The following DMD variants were observed in gnomAD, a reference collection of about 807,000 sequenced individuals.
DMD encodes mutant dystrophin.
A neutral mutation model predicts 330.1 loss-of-function variants in DMD; 63 were observed. The ratio of observed to expected loss-of-function variants is 0.19; its 90% CI spans 0.16 to 0.24. The LOEUF (loss-of-function observed/expected upper bound fraction) is 0.24. Ranked by LOEUF, DMD falls within the 10% of genes least tolerant of loss-of-function variation. DMD has a pLI of 1.00. For synonymous variants in DMD, 1,223 were observed against 959.8 expected, an observed-to-expected ratio of 1.27 and a Z score of -5.07; for missense variants, 3,344 against 2,684.1, an observed-to-expected ratio of 1.25 and a Z score of -5.43.
intron 55 of DMD, among the ~76,000 whole-genome samples, chrX:31,526,462 A>G (rs1239460594): frequency 8.9e-6 from 1 of 112,128 alleles, no homozygotes; most frequent in African/African-American, 3.2e-5. Context: ...AGTCATATAC[A>G]TGTCTCAGAC....
intron 63 of DMD, among the ~76,000 whole-genome samples, chrX:31,241,868 T>A (rs2048330636): frequency 8.9e-6 from 1 of 111,809 alleles, no homozygotes; most frequent in African/African-American, 3.3e-5. Flanking sequence ...TAACAATGTT[T>A]TTCCCATTGC....
At chrX:32,250,936 C>T (rs1387598091) in intron 43 of DMD, among the ~76,000 whole-genome samples, 1 of 110,138 alleles carries the variant, frequency 9.1e-6, no homozygotes, top group Non-Finnish European at 1.9e-5. Flanking sequence ...CAAACTAACA[C>T]AGGAACAGAA....
chrX:32,407,450 G>A (rs374379228), intron 30 of DMD, among the ~76,000 whole-genome samples: 30 of 111,243 alleles, frequency 2.7e-4, no homozygotes, highest in East Asian at 5.7e-4. Flanking sequence ...TTAGAATGGC[G>A]ATCATTAAAA....
chrX:31,148,834 C>G (rs1449133891), intron 74 of DMD, among the ~76,000 whole-genome samples: 2 of 111,947 alleles, frequency 1.8e-5, no homozygotes, highest in Admixed American at 1.9e-4. Flanking sequence ...GCTTTTCATG[C>G]TTCCTTTACC....
intron 50 of DMD, among the ~76,000 whole-genome samples, chrX:31,778,005 A>G (rs1193212988): frequency 3.6e-5 from 4 of 112,093 alleles, no homozygotes; most frequent in African/African-American, 1.3e-4. Flanking sequence ...TCATGAGCAC[A>G]GGCCATTTCA....
At chrX:33,023,058 T>C (rs1476453409) in intron 1 of DMD, among the ~76,000 whole-genome samples, 1 of 111,929 alleles carries the variant, frequency 8.9e-6, no homozygotes, top group Non-Finnish European at 1.9e-5. Flanking sequence ...ATAATGCTTT[T>C]ACATTTACTA....
chrX:31,331,454 A>T (rs1275282738), intron 61 of DMD, among the ~76,000 whole-genome samples: 2 of 111,477 alleles, frequency 1.8e-5, no homozygotes, highest in Non-Finnish European at 3.8e-5. Flanking sequence ...AAAGAAAAAA[A>T]AGCTGCTTCT....
At chrX:31,856,081 C>T (rs373440134) in intron 48 of DMD, among the ~76,000 whole-genome samples, 1 of 111,737 alleles carries the variant, frequency 8.9e-6, no homozygotes, top group African/African-American at 3.3e-5. Context: ...AATATACAGA[C>T]AACTCATATT....
chrX:33,129,068 T>C (rs1223085421), intron 1 of DMD: 1 of 112,018 alleles, frequency 8.9e-6, no homozygotes, highest in African/African-American at 3.2e-5. Context: ...ATCCTGCTTC[T>C]TGAAAAAACA....
At chrX:32,701,826 A>G (rs2064161148) in intron 7 of DMD, among the ~76,000 whole-genome samples, 1 of 111,702 alleles carries the variant, frequency 9.0e-6, no homozygotes, top group African/African-American at 3.2e-5. Flanking sequence ...TGCCCCCCAA[A>G]AAATTTCAAA....
chrX:31,770,126 G>C (rs1224314478), intron 51 of DMD, among the ~76,000 whole-genome samples: 2 of 112,424 alleles, frequency 1.8e-5, no homozygotes, highest in Non-Finnish European at 3.8e-5. Context: ...TTTTCCTTTT[G>C]TAAGTTTTGT....
intron 59 of DMD, among the ~76,000 whole-genome samples, chrX:31,473,533 A>G (rs1307059760): frequency 9.2e-6 from 1 of 108,738 alleles, no homozygotes; most frequent in African/African-American, 3.4e-5. Context: ...CATCCTGGCC[A>G]ACATGGTGAA....
rs961433245 is a variant in DMD, at chrX:31,348,460, C to T, written c.9163+96G>A. The T allele has an allele frequency of 1.0e-5, 8 of 764,964 alleles. No homozygotes were observed. The East Asian group carries it at 2.8e-4, about 27-fold the overall frequency. The allele number at this position is 764,964 out of a possible 1,213,427, so 63.0% of individuals were successfully genotyped here. The stretch of plus-strand genomic sequence containing the variant: ...TTCTACTGCATCTGATAAAAGATTA[C>T]TATAATTCAACTCTTAATTCTTTTG... On this transcript the variant is annotated intron_variant, in intron 61 of 78. Coordinates refer to ENST00000357033, the MANE Select transcript of DMD (RefSeq NM_004006.3).
chrX:32,147,204 A>G (rs984256777), intron 44 of DMD, among the ~76,000 whole-genome samples: 5 of 110,973 alleles, frequency 4.5e-5, no homozygotes, highest in African/African-American at 6.6e-5. Context: ...CCCACCCCTA[A>G]ACCTAGCTTT....
chrX:32,458,236 A>G (rs779302066), intron 25 of DMD, among the ~76,000 whole-genome samples: 1 of 110,808 alleles, frequency 9.0e-6, no homozygotes, highest in South Asian at 3.8e-4. Context: ...TTCCATCCAC[A>G]AAAAAAATAT....
intron 18 of DMD, among the ~76,000 whole-genome samples, chrX:32,510,690 C>T (rs191392115): frequency 1.3e-4 from 15 of 111,372 alleles, no homozygotes; most frequent in Admixed American, 7.7e-4. Flanking sequence ...AAATTCATAA[C>T]GAACTCTAAT....
At chrX:31,694,055 T>C (rs187856142) in intron 52 of DMD, among the ~76,000 whole-genome samples, 105 of 111,088 alleles carry the variant, frequency 9.5e-4, no homozygotes, top group African/African-American at 3.4e-3. Context: ...GGCAAGTACA[T>C]AAAAACAGAC....
intron 44 of DMD, among the ~76,000 whole-genome samples, chrX:32,200,199 C>A (rs1321359496): frequency 2.7e-5 from 3 of 110,484 alleles, no homozygotes; most frequent in African/African-American, 9.9e-5. Flanking sequence ...GATCTCTAGT[C>A]CTTTTTCCTC....
intron 17 of DMD, among the ~76,000 whole-genome samples, chrX:32,532,858 C>A (rs1414809039): frequency 9.0e-6 from 1 of 111,660 alleles, no homozygotes; most frequent in African/African-American, 3.3e-5. Flanking sequence ...AAACAAAAAT[C>A]AACAGCAAAA....
Sources: gnomAD v4.1 joint callset for allele counts (sites outside exome capture counted in the v4.1 genomes callset) on GRCh38, gnomAD v4.1.1 for gene constraint, MANE v1.5 for transcripts, NCBI Gene and HGNC (gene_info 2026-07-23, HGNC 2026-07-21) for gene names.